The following CAMK4 variants were observed in gnomAD, a reference collection of about 807,000 sequenced individuals.
The protein encoded by CAMK4 is calcium/calmodulin-dependent protein kinase type IV.
Under a neutral mutation model 44.9 loss-of-function variants are expected in CAMK4, and 22 were observed. The ratio of observed to expected loss-of-function variants is 0.49; its 90% confidence interval spans 0.35 to 0.70. The LOEUF is 0.70. Among genes scored for constraint, CAMK4 ranks in the 30% least tolerant of loss-of-function variants. The pLI, the probability that CAMK4 is intolerant of heterozygous loss-of-function variation, is 0.01. For synonymous variants in CAMK4, 218 were observed against 215.4 expected, an observed-to-expected ratio of 1.01 and a Z score of -0.11; for missense variants, 498 against 586.8, an observed-to-expected ratio of 0.85 and a Z score of 1.56.
rs535660637 is a variant in CAMK4, at chr5:111,403,876, C to T, written c.459+9094C>T. 5.6e-4 allele frequency among the ~76,000 whole-genome samples: 85 copies of T among 152,266 alleles called. 1 individual carries two copies. The South Asian group carries it at 6.0e-3, about 11-fold the overall frequency. On this transcript the variant is annotated intron_variant, in intron 5 of 10. Coordinates refer to ENST00000282356, the MANE Select transcript of CAMK4 (RefSeq NM_001744.6). ...CTACATGGACTTCCCTCTTTTGATT[C>T]TCAAGTGAGCCACAATAGATTCTGG... is the stretch of plus-strand genomic sequence containing the variant.
chr5:111,308,212 G>T (rs1748017355), intron 1 of CAMK4, among the ~76,000 whole-genome samples: 1 of 143,366 alleles, frequency 7.0e-6, no homozygotes, highest in Admixed American at 6.9e-5. Context: ...TAACTAACCT[G>T]CACAATGTGC....
chr5:111,452,948 A>G (rs967234952), intron 7 of CAMK4, among the ~76,000 whole-genome samples: 2 of 152,018 alleles, frequency 1.3e-5, no homozygotes, highest in Admixed American at 6.5e-5. Flanking sequence ...TTGGGGATTG[A>G]GATGGAAAAT....
intron 1 of CAMK4, among the ~76,000 whole-genome samples, chr5:111,266,860 C>T (rs937355824): frequency 2.6e-5 from 4 of 152,152 alleles, no homozygotes; most frequent in Admixed American, 1.3e-4. Context: ...TGTCAATGAC[C>T]ACACCCTCCT....
intron 1 of CAMK4, among the ~76,000 whole-genome samples, chr5:111,254,384 T>A (rs940379437): frequency 6.6e-6 from 1 of 152,196 alleles, no homozygotes; most frequent in African/African-American, 2.4e-5. Context: ...CGCTGTGAGA[T>A]GATCCCAGAT....
At chr5:111,337,414 A>G (rs1238830638) in intron 1 of CAMK4, among the ~76,000 whole-genome samples, 1 of 151,072 alleles carries the variant, frequency 6.6e-6, no homozygotes, top group Admixed American at 6.6e-5. Flanking sequence ...ACTTTATAAA[A>G]CATCGTCAAG....
At chr5:111,270,007 C>G (rs1750435986) in intron 1 of CAMK4, 3 of 152,430 alleles carry the variant, frequency 2.0e-5, no homozygotes, top group Admixed American at 2.0e-4. Context: ...TCCTCTACTC[C>G]TGCAATCACC....
At chr5:111,400,020 G>T (rs967449753) in intron 5 of CAMK4, among the ~76,000 whole-genome samples, 1 of 152,156 alleles carries the variant, frequency 6.6e-6, no homozygotes, top group Non-Finnish European at 1.5e-5. Flanking sequence ...AGATAGGGGT[G>T]CCCCACATAA....
chr5:111,249,664 A>ATGTG (rs1417086749), intron 1 of CAMK4, among the ~76,000 whole-genome samples: 4 of 121,630 alleles, frequency 3.3e-5, no homozygotes, highest in African/African-American at 8.6e-5. Context: ...GTGTGTATAT[A>ATGTG]TATGTGTGTG....
chr5:111,457,268 T>A (rs1754449491), intron 7 of CAMK4, among the ~76,000 whole-genome samples: 1 of 152,188 alleles, frequency 6.6e-6, no homozygotes, highest in African/African-American at 2.4e-5. Context: ...CACACACACA[T>A]TATGCAGAGC....
chr5:111,401,999 G>T (rs1329325512), intron 5 of CAMK4, among the ~76,000 whole-genome samples: 1 of 152,196 alleles, frequency 6.6e-6, no homozygotes, highest in East Asian at 1.9e-4. Flanking sequence ...GACTGTTTCT[G>T]TTTGAGTTGC....
chr5:111,419,611 A>G (rs1347918634), intron 5 of CAMK4, among the ~76,000 whole-genome samples: 5 of 152,162 alleles, frequency 3.3e-5, no homozygotes, highest in African/African-American at 1.2e-4. Flanking sequence ...ATCTTGAATT[A>G]ATTTTTGTAT....
intron 1 of CAMK4, among the ~76,000 whole-genome samples, chr5:111,300,881 A>G (rs1747690381): frequency 6.6e-6 from 1 of 152,244 alleles, no homozygotes. Flanking sequence ...AGAAAAATTA[A>G]TTTTGGGAAA....
intron 7 of CAMK4, among the ~76,000 whole-genome samples, chr5:111,450,960 A>G (rs1754210832): frequency 6.6e-6 from 1 of 152,208 alleles, no homozygotes; most frequent in Non-Finnish European, 1.5e-5. Flanking sequence ...TGCCCCAGAA[A>G]TAGACAAAGA....
At chr5:111,468,198 A>C (rs1211031311) in intron 7 of CAMK4, among the ~76,000 whole-genome samples, 1 of 152,154 alleles carries the variant, frequency 6.6e-6, no homozygotes, top group East Asian at 1.9e-4. Flanking sequence ...GTGAGGGATA[A>C]AAAACTACAC....
At chr5:111,467,044 C>T (rs994082878) in intron 7 of CAMK4, among the ~76,000 whole-genome samples, 20 of 152,024 alleles carry the variant, frequency 1.3e-4, no homozygotes, top group African/African-American at 4.8e-4. Flanking sequence ...GAAATACTTG[C>T]AGTCACTGAT....
intron 7 of CAMK4, among the ~76,000 whole-genome samples, chr5:111,457,712 T>C (rs1754468251): frequency 6.6e-6 from 1 of 152,144 alleles, no homozygotes; most frequent in African/African-American, 2.4e-5. Context: ...ATAAAAGAAA[T>C]ACATCTCATA....
At chr5:111,469,172 A>AATATATATATATAT (rs1229770102) in intron 7 of CAMK4, among the ~76,000 whole-genome samples, 8 of 31,978 alleles carry the variant, frequency 2.5e-4, no homozygotes, top group African/African-American at 9.7e-4. Flanking sequence ...AAAAAAAAAA[A>AATATATATATATAT]ATATATATAT....
At chr5:111,336,095 C>T (rs1027507300) in intron 1 of CAMK4, among the ~76,000 whole-genome samples, 1 of 151,228 alleles carries the variant, frequency 6.6e-6, no homozygotes, top group South Asian at 2.1e-4. Flanking sequence ...TCATCAAATT[C>T]ATGGCAGAAA....
intron 4 of CAMK4, among the ~76,000 whole-genome samples, chr5:111,382,392 G>T (rs368068319): frequency 5.9e-5 from 9 of 152,170 alleles, no homozygotes; most frequent in African/African-American, 1.7e-4. Flanking sequence ...TTCTGGAGTT[G>T]TAGTATGGTT....
Sources: gnomAD v4.1 joint callset for allele counts (sites outside exome capture counted in the v4.1 genomes callset) on GRCh38, gnomAD v4.1.1 for gene constraint, MANE v1.5 for transcripts, NCBI Gene and HGNC (gene_info 2026-07-23, HGNC 2026-07-21) for gene names.